LRMDA: variants seen among roughly 807,000 people sequenced by gnomAD.
The protein encoded by LRMDA is leucine rich melanocyte differentiation associated, also known as leucine-rich melanocyte differentiation-associated protein.
In LRMDA, 18 loss-of-function variants were observed where a neutral mutation model predicts 29.8. That is an observed-to-expected ratio of 0.60 (90% CI 0.42 to 0.90). The LOEUF (loss-of-function observed/expected upper bound fraction) is 0.90, where lower values mean the gene tolerates loss of function less well. Ranked by LOEUF, LRMDA falls within the 40% of genes least tolerant of loss-of-function variation. The pLI, the probability that LRMDA is intolerant of heterozygous loss-of-function variation, is 0.00. For missense variants in LRMDA, 273 were observed against 273.9 expected (o/e 1.00, Z 0.02); for synonymous variants, 125 against 109.4 (o/e 1.14, Z -0.89).
At chr10:75,570,361 G>A (rs781148925) in intron 2 of LRMDA, among the ~76,000 whole-genome samples, 1 of 152,168 alleles carries the variant, frequency 6.6e-6, no homozygotes, top group Non-Finnish European at 1.5e-5. Context: ...TGGACCTGGG[G>A]ATACAGTGGT....
chr10:75,587,784 T>C (rs1401962762), intron 2 of LRMDA, among the ~76,000 whole-genome samples: 1 of 152,188 alleles, frequency 6.6e-6, no homozygotes, highest in Non-Finnish European at 1.5e-5. Flanking sequence ...CTGGTCCCTA[T>C]GGATGGCCAC....
intron 5 of LRMDA, among the ~76,000 whole-genome samples, chr10:76,091,166 G>C (rs751431045): frequency 6.6e-5 from 10 of 152,072 alleles, no homozygotes; most frequent in Non-Finnish European, 1.2e-4. Flanking sequence ...CTGCTGTAAG[G>C]GTTGTAAAAT....
intron 5 of LRMDA, among the ~76,000 whole-genome samples, chr10:76,137,129 T>G: frequency 6.6e-6 from 1 of 152,300 alleles, no homozygotes; most frequent in South Asian, 2.1e-4. Context: ...TACCGACCCT[T>G]CCTTTAGTTC....
chr10:76,241,520 C>CT (rs1374457514), intron 5 of LRMDA, among the ~76,000 whole-genome samples: 2 of 152,054 alleles, frequency 1.3e-5, no homozygotes, highest in Admixed American at 6.6e-5. Flanking sequence ...TGCTTGAAAT[C>CT]TTTTTTTTCT....
At chr10:75,499,604 C>G (rs2132068012) in intron 2 of LRMDA, among the ~76,000 whole-genome samples, 1 of 152,342 alleles carries the variant, frequency 6.6e-6, no homozygotes, top group East Asian at 1.9e-4. Context: ...CTGCTGGCTA[C>G]TGTGGTTATA....
intron 5 of LRMDA, among the ~76,000 whole-genome samples, chr10:76,166,778 A>C (rs1259730058): frequency 1.3e-5 from 2 of 152,310 alleles, no homozygotes; most frequent in African/African-American, 2.4e-5. Context: ...TGCAGTGAAC[A>C]CATGAATGTG....
intron 2 of LRMDA, among the ~76,000 whole-genome samples, chr10:75,680,545 C>T (rs557301384): frequency 6.6e-6 from 1 of 152,146 alleles, no homozygotes; most frequent in South Asian, 2.1e-4. Context: ...CTCAAACCTT[C>T]TTACATATTG....
chr10:76,383,454 C>T (rs1184171440), intron 6 of LRMDA, among the ~76,000 whole-genome samples: 3 of 120,784 alleles, frequency 2.5e-5, no homozygotes, highest in African/African-American at 1.0e-4. Flanking sequence ...GACGGAGTCT[C>T]GCTCTGTCGC....
intron 2 of LRMDA, among the ~76,000 whole-genome samples, chr10:75,602,026 C>G (rs988714077): frequency 6.6e-6 from 1 of 152,132 alleles, no homozygotes; most frequent in Admixed American, 6.5e-5. Context: ...GATAATCACT[C>G]GATTGAGTTA....
At chr10:76,032,976 C>T (rs953977532) in intron 2 of LRMDA, among the ~76,000 whole-genome samples, 2 of 151,078 alleles carry the variant, frequency 1.3e-5, no homozygotes, top group Middle Eastern at 3.4e-3. Context: ...TATTTGCAGG[C>T]ACCTGGCATA....
intron 6 of LRMDA, among the ~76,000 whole-genome samples, chr10:76,455,802 C>T (rs1257016697): frequency 2.0e-5 from 3 of 152,008 alleles, no homozygotes; most frequent in Non-Finnish European, 1.5e-5. Flanking sequence ...CTGGGACCAT[C>T]CTACTTAGTT....
chr10:76,364,464 C>T (rs1188878512), intron 6 of LRMDA, among the ~76,000 whole-genome samples: 1 of 151,658 alleles, frequency 6.6e-6, no homozygotes, highest in East Asian at 1.9e-4. Flanking sequence ...TTTGATAAGG[C>T]TGGGGAAATT....
At chr10:76,364,074 C>G (rs1219916861) in intron 6 of LRMDA, among the ~76,000 whole-genome samples, 1 of 152,136 alleles carries the variant, frequency 6.6e-6, no homozygotes, top group Non-Finnish European at 1.5e-5. Context: ...CTTAGAAACT[C>G]TAAGAGCTGG....
chr10:76,384,504 C>T (rs962993110), intron 6 of LRMDA, among the ~76,000 whole-genome samples: 3 of 152,172 alleles, frequency 2.0e-5, no homozygotes, highest in Non-Finnish European at 2.9e-5. Flanking sequence ...CTTTCTGCTC[C>T]AACTGTCTGC....
chr10:76,059,653 T>C (rs1334060173), intron 5 of LRMDA, among the ~76,000 whole-genome samples: 1 of 152,184 alleles, frequency 6.6e-6, no homozygotes, highest in East Asian at 1.9e-4. Flanking sequence ...ATCCTAGAAG[T>C]CTAGTTTATC....
At chr10:76,062,654 CTCTGTGTGTGTGTGTGTGTGTG>C (rs888532771) in intron 5 of LRMDA, among the ~76,000 whole-genome samples, 129 of 136,432 alleles carry the variant, frequency 9.5e-4, no homozygotes, top group African/African-American at 3.3e-3. Flanking sequence ...GACTTTATCT[CTCTGTGTGTGTGTGTGTGTGTG>C]TGTGTGTGTG....
intron 5 of LRMDA, among the ~76,000 whole-genome samples, chr10:76,066,128 C>G (rs1389109039): frequency 6.6e-6 from 1 of 152,192 alleles, no homozygotes; most frequent in Non-Finnish European, 1.5e-5. Context: ...GCCATTGAAC[C>G]AGGGTCTTAA....
At chr10:75,578,219 A>AAAAAAAAAAAAAAAAAAAAAC in intron 2 of LRMDA, among the ~76,000 whole-genome samples, 1 of 140,360 alleles carries the variant, frequency 7.1e-6, no homozygotes, top group African/African-American at 2.6e-5. Context: ...GGAAAGCAAA[A>AAAAAAAAAAAAAAAAAAAAAC]AAAAAAAAAA....
At position 75,484,074 on chromosome 10, in the gene LRMDA, G is replaced by C. The variant is rs112391983; in HGVS notation, c.131+45580G>C. Among the ~76,000 whole-genome samples, 23 of 151,986 alleles carry C rather than the reference G, an allele frequency of 1.5e-4. 1 individual carries two copies. Among genetic ancestry groups the C allele is most frequent in the African/African-American group, 5.5e-4 (23 of 41,452 alleles). The stretch of plus-strand genomic sequence containing the variant: ...GGGCTTAAGCAATCCTCCCACTTCA[G>C]CCTCCCAAGTAGCTGGGACTACAGG... On this transcript the variant is annotated intron_variant, in intron 2 of 6. Transcript: ENST00000611255.
Sources: gnomAD v4.1 joint callset for allele counts (sites outside exome capture counted in the v4.1 genomes callset) on GRCh38, gnomAD v4.1.1 for gene constraint, MANE v1.5 for transcripts, NCBI Gene and HGNC (gene_info 2026-07-23, HGNC 2026-07-21) for gene names.